TTLL5: variants seen among roughly 807,000 people sequenced by gnomAD.
TTLL5 encodes the protein tubulin tyrosine ligase like 5, also known as tubulin polyglutamylase TTLL5.
TTLL5 carries 132 observed loss-of-function variants against 168.4 expected under a neutral mutation model. That is an observed-to-expected ratio of 0.78 (90% CI 0.68 to 0.91). The LOEUF (loss-of-function observed/expected upper bound fraction) is 0.91, where lower values mean the gene tolerates loss of function less well. Among genes scored for constraint, TTLL5 ranks in the 40% least tolerant of loss-of-function variants. The probability of loss-of-function intolerance (pLI) is 0.00; values close to 1 mark genes in which losing one functional copy is unlikely to be tolerated. For synonymous variants in TTLL5, 546 were observed against 558.6 expected (o/e 0.98, Z 0.32); for missense variants, 1,545 against 1,581.5 (o/e 0.98, Z 0.39).
intron 17 of TTLL5, among the ~76,000 whole-genome samples, chr14:75,746,076 A>G (rs80027483): frequency 1.3e-5 from 2 of 152,182 alleles, no homozygotes; most frequent in African/African-American, 2.4e-5. Context: ...TTTATATTCA[A>G]TCCTCCACAT....
chr14:75,663,608 T>C (rs1890890914), intron 2 of TTLL5, among the ~76,000 whole-genome samples: 1 of 152,228 alleles, frequency 6.6e-6, no homozygotes, highest in South Asian at 2.1e-4. Flanking sequence ...TTTGCTAATT[T>C]TCTCAAAAGC....
At chr14:75,669,651 A>G in intron 3 of TTLL5, 129 bp downstream of exon 3, 1 of 587,752 alleles carries the variant, frequency 1.7e-6, no homozygotes, top group Non-Finnish European at 2.7e-6. Flanking sequence ...GAGTTGTTAT[A>G]CTTCAAACAT....
chr14:75,757,064 G>A (rs1240528063), intron 18 of TTLL5, among the ~76,000 whole-genome samples: 1 of 150,866 alleles, frequency 6.6e-6, no homozygotes, highest in Non-Finnish European at 1.5e-5. Flanking sequence ...TGCAACCTCC[G>A]CCTCCCAGGT....
chr14:75,782,395 T>C, intron 24 of TTLL5, 92 bp from the exon 25 acceptor site: 2 of 985,808 alleles, frequency 2.0e-6, no homozygotes, highest in Non-Finnish European at 3.0e-6. Context: ...TGATTAGCAG[T>C]TGTGTTATAT....
intron 9 of TTLL5, chr14:75,710,155 T>C (rs894056922): frequency 1.3e-5 from 2 of 152,204 alleles, no homozygotes; most frequent in African/African-American, 2.4e-5. Flanking sequence ...CATAGCAATA[T>C]GTTTTGCTTA....
At chr14:75,902,245 C>G in intron 31 of TTLL5, 21 bp downstream of exon 31, 1 of 1,612,800 alleles carries the variant, frequency 6.2e-7, no homozygotes, top group South Asian at 1.1e-5. Context: ...ACCAGCTCTT[C>G]TGCAACTGGA....
At chr14:75,756,511 C>CTT (rs34387037) in intron 18 of TTLL5, among the ~76,000 whole-genome samples, 2 of 144,602 alleles carry the variant, frequency 1.4e-5, no homozygotes, top group East Asian at 2.0e-4. Context: ...AAACTGGGGA[C>CTT]TTTTTTTTTT....
At chr14:75,927,659 T>C (rs1414561852) in intron 31 of TTLL5, among the ~76,000 whole-genome samples, 3 of 152,242 alleles carry the variant, frequency 2.0e-5, no homozygotes, top group African/African-American at 4.8e-5. Context: ...GTCTGGGCTC[T>C]GCTCTGCCCC....
intron 30 of TTLL5, among the ~76,000 whole-genome samples, chr14:75,886,200 C>T (rs1037658784): frequency 2.6e-5 from 4 of 152,134 alleles, no homozygotes; most frequent in African/African-American, 9.7e-5. Context: ...GAAGCAATTT[C>T]CAAGAGCATC....
chr14:75,690,373 A>C, intron 6 of TTLL5, 51 bp downstream of exon 6: 1 of 1,547,554 alleles, frequency 6.5e-7, no homozygotes, highest in Non-Finnish European at 8.7e-7. Context: ...AACCTGGGGA[A>C]TATTTACCCC....
At chr14:75,668,721 A>G (rs1352181534) in intron 2 of TTLL5, among the ~76,000 whole-genome samples, 3 of 152,222 alleles carry the variant, frequency 2.0e-5, no homozygotes. Context: ...TAGAGTTCCT[A>G]GTTCAGAGTC....
chr14:75,853,323 T>A (rs146507499), intron 28 of TTLL5, among the ~76,000 whole-genome samples: 1 of 152,330 alleles, frequency 6.6e-6, no homozygotes, highest in Non-Finnish European at 1.5e-5. Context: ...CTGCCTAACA[T>A]CTCCTGGGCT....
intron 31 of TTLL5, among the ~76,000 whole-genome samples, chr14:75,914,033 A>AAAAATATATATATAT: frequency 7.0e-5 from 5 of 71,102 alleles, no homozygotes; most frequent in South Asian, 5.5e-4. Flanking sequence ...AAAAAAAAAA[A>AAAAATATATATATAT]ATATATATAT....
intron 27 of TTLL5, among the ~76,000 whole-genome samples, chr14:75,800,843 GGAT>G (rs1310263714): frequency 6.6e-6 from 1 of 152,156 alleles, no homozygotes; most frequent in African/African-American, 2.4e-5. Context: ...TCTCAGCCAT[GGAT>G]ACCAGCACCT....
chr14:75,868,610 T>G (rs1447375168), intron 29 of TTLL5, among the ~76,000 whole-genome samples: 1 of 152,218 alleles, frequency 6.6e-6, no homozygotes, highest in Non-Finnish European at 1.5e-5. Context: ...TGGTAACATC[T>G]TGAGTGCAGT....
chr14:75,874,933 C>CCT lies in TTLL5; in HGVS notation c.3523-7752_3523-7751insCT, dbSNP rs778792332. 4.9e-4 allele frequency among the ~76,000 whole-genome samples: 48 copies of CCT among 97,542 alleles called. 7 individuals carry two copies. The highest frequency in any genetic ancestry group is 1.3e-3 in the African/African-American group (27 of 20,370). 64.0% of individuals were successfully genotyped at this position (97,542 alleles called of 152,430 possible). A position where few individuals can be genotyped will look rare whatever the true frequency, so the allele number is the denominator to read the frequency against. ...AGAGAAAAAAAAAGACACTGGGGGC[C>CCT]TTTTTTTTTTTTTTTTTTGAGACGG... On this transcript the variant is annotated intron_variant, in intron 29 of 31. Transcript: ENST00000298832.
chr14:75,952,514 G>A (rs890658240), intron 31 of TTLL5, among the ~76,000 whole-genome samples: 113 of 152,094 alleles, frequency 7.4e-4, no homozygotes, highest in African/African-American at 2.6e-3. Context: ...TTCCACTTCC[G>A]TATCTATACC....
rs1170695580 is a variant in TTLL5, at chr14:75,862,057, CT to C, written c.3327-1609del. 3.9e-5 allele frequency among the ~76,000 whole-genome samples: 6 copies of C among 152,312 alleles called. No individual in the cohort carries two copies. The East Asian group carries it at 1.2e-3, about 29-fold the overall frequency. On this transcript the variant is annotated intron_variant, in intron 28 of 31. Coordinates refer to ENST00000298832, the MANE Select transcript of TTLL5 (RefSeq NM_015072.5). Reference sequence around the variant, plus strand: ...TGATAATCACCATTCTACTTTCTGTCTCTAAAATTTGCCTATTCCAGGTACC... The same window carrying C: ...TGATAATCACCATTCTACTTTCTGTCCTAAAATTTGCCTATTCCAGGTACC...
intron 21 of TTLL5, among the ~76,000 whole-genome samples, chr14:75,774,686 T>C (rs1039394524): frequency 6.6e-6 from 1 of 151,936 alleles, no homozygotes; most frequent in African/African-American, 2.4e-5. Context: ...TTTCTCTTAA[T>C]TTTCTTTTTT....
Sources: gnomAD v4.1 joint callset for allele counts (sites outside exome capture counted in the v4.1 genomes callset) on GRCh38, gnomAD v4.1.1 for gene constraint, MANE v1.5 for transcripts, NCBI Gene and HGNC (gene_info 2026-07-23, HGNC 2026-07-21) for gene names.